Variants in DYRK1A observed in about 807,000 individuals in gnomAD.
The protein encoded by DYRK1A is dual specificity tyrosine phosphorylation regulated kinase 1A, also known as dual specificity tyrosine-phosphorylation-regulated kinase 1A.
Under a neutral mutation model 79.7 loss-of-function variants are expected in DYRK1A, and 9 were observed. That is an observed-to-expected ratio of 0.11 (90% CI 0.07 to 0.20). DYRK1A has a LOEUF of 0.20. Ranked by LOEUF, DYRK1A falls within the 10% of genes least tolerant of loss-of-function variation. The pLI is 1.00. For missense variants in DYRK1A, 622 were observed against 956.0 expected (o/e 0.65, Z 4.61); for synonymous variants, 349 against 329.7 (o/e 1.06, Z -0.63).
In DYRK1A at chr21:37,496,175, G is replaced by A; in HGVS notation, c.1129G>A (p.Asp377Asn). Residue 377 changes from aspartate to asparagine, a missense_variant, in exon 9 of 12, where the codon GAC becomes AAC. Physicochemically the swap from Asp to Asn is conservative, Grantham distance 23 (BLOSUM62 1). Around this residue, in one of 5 missense-constraint regions of DYRK1A, gnomAD observed 80 missense variants for 116.5 expected, o/e 0.69. Transcript: ENST00000647188. The part of the protein sequence containing the change: ...VLGIPPAHIL[D>N]QAPKARKFFE... Reference sequence around the variant, plus strand: ...GGGTATTCCACCTGCTCATATTCTTGACCAAGCACCAAAAGCAAGAAAGTT... The same window carrying A: ...GGGTATTCCACCTGCTCATATTCTTAACCAAGCACCAAAAGCAAGAAAGTT... 2 of 1,614,064 alleles carry A rather than the reference G, an allele frequency of 1.2e-6. No homozygotes were observed. Among genetic ancestry groups the A allele is most frequent in the Non-Finnish European group, 1.7e-6 (2 of 1,179,986 alleles).
chr21:37,448,765 C>T (rs7276192), intron 2 of DYRK1A, among the ~76,000 whole-genome samples: 9,577 of 152,140 alleles, frequency 0.063, 1,018 homozygotes, highest in African/African-American at 0.22. Flanking sequence ...GGCACAATTA[C>T]GGAGCACTGC....
intron 1 of DYRK1A, among the ~76,000 whole-genome samples, chr21:37,416,243 A>G (rs1363199702): frequency 6.6e-6 from 1 of 151,504 alleles, no homozygotes; most frequent in African/African-American, 2.4e-5. Context: ...TGTTCCACAA[A>G]TGTTCATTTC....
chr21:37,459,583 C>G (rs2051770687), intron 2 of DYRK1A, among the ~76,000 whole-genome samples: 1 of 151,996 alleles, frequency 6.6e-6, no homozygotes, highest in South Asian at 2.1e-4. Flanking sequence ...TTCAGTTTAG[C>G]CTGATTAGTT....
At chr21:37,462,740 C>G (rs2051884407) in intron 2 of DYRK1A, among the ~76,000 whole-genome samples, 1 of 152,152 alleles carries the variant, frequency 6.6e-6, no homozygotes. Context: ...TTGCTGTGTT[C>G]TGTTTGGGCT....
Position 37,515,678 on chromosome 21 carries a change from G to A in DYRK1A, c.*3147G>A, listed in dbSNP as rs558805288. The stretch of plus-strand genomic sequence containing the variant: ...CAGTATATATTAAGGTGGCTTTCGA[G>A]AGGCAAGATGCTTATTTAAAAGTTA... On this transcript the variant is annotated 3_prime_UTR_variant, in exon 12 of 12. Coordinates refer to ENST00000647188, the MANE Select transcript of DYRK1A (RefSeq NM_001347721.2). 2 of 152,102 alleles carry A rather than the reference G, an allele frequency of 1.3e-5. No homozygotes were observed. The highest frequency in any genetic ancestry group is 3.9e-4 in the East Asian group (2 of 5,194). The allele number at this position is 152,102 out of a possible 1,614,324, so 9.4% of individuals were successfully genotyped here.
chr21:37,484,329 C>CTTTT (rs35615588), intron 5 of DYRK1A, among the ~76,000 whole-genome samples: 3 of 134,076 alleles, frequency 2.2e-5, no homozygotes, highest in African/African-American at 5.6e-5. Flanking sequence ...CAATAGGTCC[C>CTTTT]TTTTTTTTTT....
At position 37,414,379 on chromosome 21, in the gene DYRK1A, C is replaced by T. The variant is rs532354196; in HGVS notation, c.-76-5920C>T. Among the ~76,000 whole-genome samples the T allele has an allele frequency of 2.6e-5, 4 of 152,268 alleles. No homozygotes were observed. In the East Asian group the frequency reaches 7.7e-4, roughly 29 times the overall value. ...TCGTGTGTGATTTGGGATGGTTTCA[C>T]TTCACCTCTCTGTGCCTTAGTTTTC... On this transcript the variant is annotated intron_variant, in intron 1 of 11. Coordinates refer to ENST00000647188, the MANE Select transcript of DYRK1A (RefSeq NM_001347721.2).
At chr21:37,506,918 G>A (rs1165731946) in intron 11 of DYRK1A, among the ~76,000 whole-genome samples, 1 of 152,054 alleles carries the variant, frequency 6.6e-6, no homozygotes, top group African/African-American at 2.4e-5. Context: ...GCAGCTGAAT[G>A]GTGCTGGAGA....
In DYRK1A at chr21:37,512,238, A is replaced by T; in HGVS notation, c.1972A>T (p.Thr658Ser). 6.2e-7 allele frequency: 1 copy of T among 1,614,182 alleles called. No individual in the cohort carries two copies. The change falls in exon 12 of 12, where the codon ACA (threonine) becomes TCA (serine). Residue 658 changes from threonine (T) to serine (S), a missense_variant. Thr to Ser is a moderately conservative substitution (Grantham distance 58). This residue lies in a region of DYRK1A where 292 missense variants were observed against 316.7 expected (regional missense o/e 0.92). Coordinates refer to ENST00000647188, the MANE Select transcript of DYRK1A (RefSeq NM_001347721.2). ...GTCTTCCTCAACGACTTCTTCCTCGACATCTTCCTCCTCTACTGGTAACCA... is the reference window on the plus strand; with the variant it reads ...GTCTTCCTCAACGACTTCTTCCTCGTCATCTTCCTCCTCTACTGGTAACCA... ...SLSSSTTSSSTSSSSTGNQGN... is the reference protein window; with the variant it reads ...SLSSSTTSSSSSSSSTGNQGN...
chr21:37,483,279 T>C (rs1426787405), intron 5 of DYRK1A, among the ~76,000 whole-genome samples: 1 of 152,258 alleles, frequency 6.6e-6, no homozygotes, highest in Non-Finnish European at 1.5e-5. Context: ...TCTTCTGCCG[T>C]GGCTTCAGCT....
At position 37,517,101 on chromosome 21, in the gene DYRK1A, T is replaced by G. The variant is rs2053888986; in HGVS notation, c.*4570T>G. 1 of 152,224 alleles carries G rather than the reference T, an allele frequency of 6.6e-6. No individual in the cohort carries two copies. The highest frequency in any genetic ancestry group is 1.5e-5 in the Non-Finnish European group (1 of 68,048). The allele number at this position is 152,224 out of a possible 1,614,324, so 9.4% of individuals were successfully genotyped here. A position where few individuals can be genotyped will look rare whatever the true frequency, so the allele number is the denominator to read the frequency against. ...AGCATAGAGGAGGCAGAGACAAGTC[T>G]TAAACCGGCTTCCCTTCGCTTTTAC... On this transcript the variant is annotated 3_prime_UTR_variant, in exon 12 of 12. Transcript: ENST00000647188.
chr21:37,372,503 G>A (rs1248245350), intron 1 of DYRK1A, among the ~76,000 whole-genome samples: 4 of 151,414 alleles, frequency 2.6e-5, no homozygotes, highest in African/African-American at 4.9e-5. Context: ...TTGCTATCCA[G>A]TTATAGACAG....
At chr21:37,381,693 C>T (rs997830710) in intron 1 of DYRK1A, among the ~76,000 whole-genome samples, 5 of 152,270 alleles carry the variant, frequency 3.3e-5, no homozygotes, top group African/African-American at 9.6e-5. Flanking sequence ...GAGCCTGAGG[C>T]AGGAGGATCG....
intron 2 of DYRK1A, among the ~76,000 whole-genome samples, chr21:37,468,511 AG>A (rs1196952082): frequency 6.6e-6 from 1 of 152,088 alleles, no homozygotes; most frequent in Non-Finnish European, 1.5e-5. Context: ...AGACCTAGGT[AG>A]GTAAGTCTGT....
intron 2 of DYRK1A, among the ~76,000 whole-genome samples, chr21:37,458,262 A>AAT (rs936761466): frequency 3.4e-5 from 2 of 58,430 alleles, no homozygotes; most frequent in Non-Finnish European, 7.7e-5. Flanking sequence ...GCATCTGGGT[A>AAT]ATTTACTGTG....
At chr21:37,394,816 T>G (rs1648529167) in intron 1 of DYRK1A, among the ~76,000 whole-genome samples, 1 of 152,196 alleles carries the variant, frequency 6.6e-6, no homozygotes, top group South Asian at 2.1e-4. Flanking sequence ...CAGCTCCACG[T>G]TGCACCTAAA....
In DYRK1A at chr21:37,462,595, G is replaced by A. The variant is rs74632228; in HGVS notation, c.11-10089G>A. Among the ~76,000 whole-genome samples, 786 of 152,256 alleles carry A rather than the reference G, an allele frequency of 5.2e-3. 5 individuals are homozygous for A. The highest frequency in any genetic ancestry group is 0.018 in the African/African-American group (749 of 41,552). On this transcript the variant is annotated intron_variant, in intron 2 of 11. Coordinates refer to ENST00000647188, the MANE Select transcript of DYRK1A (RefSeq NM_001347721.2). Reference sequence around the variant, plus strand: ...CTTCTCCCAGTGCTTGTGCAGCTTAGCATTTGGCCAAAGAGTCAAGGAGAA... The same window carrying A: ...CTTCTCCCAGTGCTTGTGCAGCTTAACATTTGGCCAAAGAGTCAAGGAGAA...
chr21:37,403,659 A>ATGTGTG (rs1481509376), intron 1 of DYRK1A, among the ~76,000 whole-genome samples: 31 of 125,346 alleles, frequency 2.5e-4, no homozygotes, highest in African/African-American at 9.9e-4. Flanking sequence ...ATATATATAT[A>ATGTGTG]TATATGTGTG....
At chr21:37,424,691 TAGTTA>T (rs1184084159) in intron 2 of DYRK1A, among the ~76,000 whole-genome samples, 1 of 152,204 alleles carries the variant, frequency 6.6e-6, no homozygotes, top group African/African-American at 2.4e-5. Flanking sequence ...GCTTATTTCC[TAGTTA>T]AGTTAGGTAT....
Sources: gnomAD v4.1 joint callset for allele counts (sites outside exome capture counted in the v4.1 genomes callset) on GRCh38, gnomAD v4.1.1 for gene constraint, gnomAD v4.1.1 regional missense constraint, MANE v1.5 for transcripts, NCBI Gene and HGNC (gene_info 2026-07-23, HGNC 2026-07-21) for gene names.